The following PCDH9 variants were observed in gnomAD, a reference collection of about 807,000 sequenced individuals.
PCDH9 encodes the protein protocadherin 9.
Under a neutral mutation model 70.6 loss-of-function variants are expected in PCDH9, and 24 were observed. That is an observed-to-expected ratio of 0.34 (90% CI 0.25 to 0.48). The LOEUF (loss-of-function observed/expected upper bound fraction) is 0.48. Ranked by LOEUF, PCDH9 falls within the 20% of genes least tolerant of loss-of-function variation. The pLI is 0.99. For missense variants in PCDH9, 1,281 were observed against 1,503.6 expected, an observed-to-expected ratio of 0.85 and a Z score of 2.45; for synonymous variants, 562 against 558.5, an observed-to-expected ratio of 1.01 and a Z score of -0.09.
At chr13:66,703,664 G>A (rs1043516484) in intron 3 of PCDH9, among the ~76,000 whole-genome samples, 2 of 152,140 alleles carry the variant, frequency 1.3e-5, no homozygotes, top group African/African-American at 4.8e-5. Flanking sequence ...GGAGATCAAG[G>A]TGTGAGGATG....
At chr13:66,529,607 T>C (rs939577125) in intron 4 of PCDH9, among the ~76,000 whole-genome samples, 1 of 152,100 alleles carries the variant, frequency 6.6e-6, no homozygotes, top group East Asian at 1.9e-4. Context: ...AATTAAATAT[T>C]ATGCAATCTC....
intron 2 of PCDH9, among the ~76,000 whole-genome samples, chr13:67,087,640 G>A (rs1312844262): frequency 6.6e-6 from 1 of 152,090 alleles, no homozygotes. Flanking sequence ...CATTAGCTGT[G>A]CATGCCCCAT....
At chr13:67,137,627 A>G (rs1190917309) in intron 2 of PCDH9, among the ~76,000 whole-genome samples, 2 of 152,160 alleles carry the variant, frequency 1.3e-5, no homozygotes, top group African/African-American at 4.8e-5. Context: ...TAACCTCTCC[A>G]CATTTTTTTC....
At position 66,303,833 on chromosome 13, in the gene PCDH9, A is replaced by G. The variant is rs1955412264; in HGVS notation, c.*822T>C. ...AAGTCCTTTTTTGTATAAAGTTTTCATTTTTTCTTTCATCTTTATTGTTTA... is the reference window on the plus strand; with the variant it reads ...AAGTCCTTTTTTGTATAAAGTTTTCGTTTTTTCTTTCATCTTTATTGTTTA... On this transcript the variant is annotated 3_prime_UTR_variant, in exon 5 of 5. Transcript: ENST00000377865. The G allele has an allele frequency of 6.6e-6, 1 of 152,040 alleles. No individual in the cohort carries two copies. The highest frequency in any genetic ancestry group is 6.6e-5 in the Admixed American group (1 of 15,224). The allele number at this position is 152,040 out of a possible 1,614,324, so 9.4% of individuals were successfully genotyped here.
intron 4 of PCDH9, among the ~76,000 whole-genome samples, chr13:66,532,607 A>G (rs892983380): frequency 3.9e-5 from 6 of 152,032 alleles, no homozygotes; most frequent in African/African-American, 1.4e-4. Context: ...CAGTGGCCCA[A>G]TCTCGGCTCA....
chr13:66,926,062 T>G (rs144044957), intron 2 of PCDH9, among the ~76,000 whole-genome samples: 1 of 152,126 alleles, frequency 6.6e-6, no homozygotes, highest in Admixed American at 6.6e-5. Context: ...CCCTTCCTTG[T>G]CTAAGCAATG....
chr13:66,754,405 CAAAAT>C (rs2079508971), intron 3 of PCDH9, among the ~76,000 whole-genome samples: 1 of 151,098 alleles, frequency 6.6e-6, no homozygotes, highest in Non-Finnish European at 1.5e-5. Flanking sequence ...TAACATAAAA[CAAAAT>C]AAAACCTTAT....
chr13:67,220,346 A>G (rs1292024129), intron 2 of PCDH9: 2 of 151,990 alleles, frequency 1.3e-5, no homozygotes, highest in African/African-American at 4.8e-5. Flanking sequence ...TACACACATC[A>G]ATATGAAAAT....
chr13:66,619,815 G>T (rs538691248), intron 4 of PCDH9, among the ~76,000 whole-genome samples: 52 of 152,006 alleles, frequency 3.4e-4, no homozygotes, highest in Admixed American at 1.4e-3. Context: ...TTAATTTTTT[G>T]ATCTTTGCTC....
At chr13:66,943,652 G>A (rs968294412) in intron 2 of PCDH9, among the ~76,000 whole-genome samples, 3 of 151,980 alleles carry the variant, frequency 2.0e-5, no homozygotes, top group Non-Finnish European at 4.4e-5. Context: ...GACTCCTGGA[G>A]ATTGATACAG....
chr13:67,037,909 T>C (rs1451034609), intron 2 of PCDH9, among the ~76,000 whole-genome samples: 1 of 152,202 alleles, frequency 6.6e-6, no homozygotes, highest in Non-Finnish European at 1.5e-5. Context: ...TTATTTACTC[T>C]ATAAGAACCT....
At chr13:66,596,037 A>G (rs1038245378) in intron 4 of PCDH9, among the ~76,000 whole-genome samples, 3 of 151,708 alleles carry the variant, frequency 2.0e-5, no homozygotes, top group African/African-American at 7.2e-5. Context: ...AATCAATAAG[A>G]TCATTTAACA....
In PCDH9 at chr13:67,227,736, C is replaced by T. The variant is rs200041723; in HGVS notation, c.705G>A (p.Thr235=). ...CACTTACTGTGACCTGCAGTATGGC[C>T]GTACTGGATTTCTGTGGAGTGCCTC... is the stretch of plus-strand genomic sequence containing the variant. ...EDGGTPQKSS[T]AILQVTVSDV... is the part of the protein sequence containing the mutation. Residue 235 remains threonine, a synonymous_variant, in exon 2 of 5, where the codon ACG becomes ACA. Transcript: ENST00000377865. This position sits in a 1 kb window ranked among gnomAD's most constrained non-coding sequence, Gnocchi z 4.6. 10 of 1,613,884 alleles carry T rather than the reference C, an allele frequency of 6.2e-6. No homozygotes were observed. In the Admixed American group the frequency reaches 8.3e-5, roughly 13 times the overall value.
At chr13:66,735,072 T>C (rs4884694) in intron 3 of PCDH9, among the ~76,000 whole-genome samples, 134,705 of 152,132 alleles carry the variant, frequency 0.89, 61,935 homozygotes, top group Non-Finnish European at 1. Flanking sequence ...TAGTACTGGG[T>C]GCTGTTCATA....
chr13:66,383,287 T>C (rs1956877567), intron 4 of PCDH9, among the ~76,000 whole-genome samples: 1 of 152,196 alleles, frequency 6.6e-6, no homozygotes, highest in African/African-American at 2.4e-5. Context: ...TGACTCCTTC[T>C]TCGTACATAT....
chr13:66,553,349 A>C (rs919204358), intron 4 of PCDH9, among the ~76,000 whole-genome samples: 3 of 152,196 alleles, frequency 2.0e-5, no homozygotes, highest in Admixed American at 1.3e-4. Flanking sequence ...CTGAATTAAT[A>C]AATATTCTTA....
chr13:67,186,143 C>T (rs1232023508), intron 2 of PCDH9, among the ~76,000 whole-genome samples: 3 of 151,954 alleles, frequency 2.0e-5, no homozygotes, highest in Non-Finnish European at 2.9e-5. Context: ...ATGAAACAAT[C>T]GGCTGTTGGG....
chr13:66,896,929 T>A (rs1357987329), intron 3 of PCDH9, among the ~76,000 whole-genome samples: 1 of 152,170 alleles, frequency 6.6e-6, no homozygotes, highest in East Asian at 1.9e-4. Flanking sequence ...CACCAACACA[T>A]CACTCCTGAT....
intron 4 of PCDH9, among the ~76,000 whole-genome samples, chr13:66,351,507 C>T (rs2138171393): frequency 6.6e-6 from 1 of 152,146 alleles, no homozygotes; most frequent in East Asian, 1.9e-4. Context: ...TTTATTTAAC[C>T]AGATCAGTAT....
Sources: gnomAD v4.1 joint callset for allele counts (sites outside exome capture counted in the v4.1 genomes callset) on GRCh38, gnomAD v4.1.1 for gene constraint, Gnocchi (gnomAD v3.1) non-coding constraint, MANE v1.5 for transcripts, NCBI Gene and HGNC (gene_info 2026-07-23, HGNC 2026-07-21) for gene names.